The following HADHA variants were observed in gnomAD, a reference collection of about 807,000 sequenced individuals.
HADHA encodes the protein trifunctional enzyme subunit alpha, mitochondrial.
Under a neutral mutation model 91.3 loss-of-function variants are expected in HADHA, and 59 were observed. The ratio of observed to expected loss-of-function variants is 0.65; its 90% CI spans 0.52 to 0.80. The LOEUF (loss-of-function observed/expected upper bound fraction) is 0.80, where lower values mean the gene tolerates loss of function less well. Among genes scored for constraint, HADHA ranks in the 30% least tolerant of loss-of-function variants. The probability of loss-of-function intolerance (pLI) is 0.00; values close to 1 mark genes in which losing one functional copy is unlikely to be tolerated. For missense variants in HADHA, 800 were observed against 927.6 expected (o/e 0.86, Z 1.79); for synonymous variants, 320 against 338.9 (o/e 0.94, Z 0.61).
chr2:26,203,492 G>C (rs1257315178), intron 12 of HADHA, among the ~76,000 whole-genome samples: 1 of 152,282 alleles, frequency 6.6e-6, no homozygotes, highest in African/African-American at 2.4e-5. Context: ...TAATTCAGAG[G>C]TAAGATGGAG....
In HADHA at chr2:26,215,058, A is replaced by T; in HGVS notation, c.794T>A (p.Val265Glu). The T allele has an allele frequency of 6.2e-7, 1 of 1,610,518 alleles. No homozygotes were observed. The highest frequency in any genetic ancestry group is 8.5e-7 in the Non-Finnish European group (1 of 1,176,714). The change falls in exon 8 of 20, where the codon GTG becomes GAG. Residue 265 changes from valine to glutamate, a missense_variant. By Grantham distance (121) the Val-to-Glu change is moderately radical (BLOSUM62 -2). Coordinates refer to ENST00000380649, the MANE Select transcript of HADHA (RefSeq NM_000182.5). ...KISPKRDKGL[V>E]EKLTAYAMTI... ...TCTTTAACAATGATACTCACTTTCC[A>T]CCAATCCCTTGTCTCTCTTTGGAGA...
chr2:26,240,069 C>G (rs6761770), intron 1 of HADHA, among the ~76,000 whole-genome samples: 125,434 of 152,176 alleles, frequency 0.82, 53,673 homozygotes, highest in Middle Eastern at 0.96. Flanking sequence ...CATGACTCCA[C>G]TCTTTTCCAC....
chr2:26,242,023 T>TC (rs145317274), intron 1 of HADHA, among the ~76,000 whole-genome samples: 2,408 of 152,140 alleles, frequency 0.016, 68 homozygotes, highest in African/African-American at 0.055. Context: ...CACCTCAGCC[T>TC]CCCGAGTAGT....
chr2:26,236,718 T>C, intron 4 of HADHA, 137 bp downstream of exon 4: 1 of 697,908 alleles, frequency 1.4e-6, no homozygotes, highest in East Asian at 2.7e-5. Flanking sequence ...CCCAGCCTGA[T>C]ACGTACATTT....
chr2:26,214,770 GT>G lies in HADHA; in HGVS notation c.800-210del, dbSNP rs1171398345. Among the ~76,000 whole-genome samples, 1 of 152,008 alleles carries G rather than the reference GT, an allele frequency of 6.6e-6. No homozygotes were observed. On this transcript the variant is annotated intron_variant, in intron 8 of 19. Coordinates refer to ENST00000380649, the MANE Select transcript of HADHA (RefSeq NM_000182.5). This position sits in a 1 kb window ranked among gnomAD's most constrained non-coding sequence, Gnocchi z 4.1. The stretch of plus-strand genomic sequence containing the variant: ...AAAGCTGGGCCTTGGGTACATGAGT[GT>G]TTATAACACTGTTATCTAGTCTTTT...
At chr2:26,204,218 AC>A (rs1215759444) in intron 11 of HADHA, 22 bp from the exon 12 acceptor site, 41 of 1,612,276 alleles carry the variant, frequency 2.5e-5, no homozygotes, top group Non-Finnish European at 3.5e-5. Flanking sequence ...GGATGAAATG[AC>A]TTTCGGTAAA....
At chr2:26,204,347 T>C (rs1355885614) in intron 11 of HADHA, 151 bp from the exon 12 acceptor site, 2 of 782,828 alleles carry the variant, frequency 2.6e-6, no homozygotes, top group Non-Finnish European at 4.3e-6. Context: ...AACACAGCTT[T>C]AATAAATGAT....
chr2:26,205,731 G>A (rs1470851685), intron 11 of HADHA, among the ~76,000 whole-genome samples: 6 of 152,160 alleles, frequency 3.9e-5, no homozygotes, highest in African/African-American at 7.2e-5. Context: ...TTCAACCTGG[G>A]AGGCGGAGGT....
chr2:26,237,024 AT>A (rs1202070129), intron 3 of HADHA, 36 bp from the exon 4 acceptor site: 14 of 1,533,404 alleles, frequency 9.1e-6, no homozygotes, highest in Non-Finnish European at 1.3e-5. Context: ...AAGGGTTTAA[AT>A]TTGAAGCACT....
At chr2:26,226,080 C>A (rs1670478018) in intron 7 of HADHA, among the ~76,000 whole-genome samples, 1 of 152,050 alleles carries the variant, frequency 6.6e-6, no homozygotes, top group Admixed American at 6.6e-5. Flanking sequence ...AAAAGTAAAA[C>A]AGCCTACAAG....
chr2:26,241,137 T>C (rs1239599907), intron 1 of HADHA, among the ~76,000 whole-genome samples: 2 of 152,172 alleles, frequency 1.3e-5, no homozygotes, highest in East Asian at 3.8e-4. Context: ...TTTTTAATCA[T>C]CTTTGTAATG....
At chr2:26,198,027 G>C (rs1480560878) in intron 13 of HADHA, among the ~76,000 whole-genome samples, 1 of 152,092 alleles carries the variant, frequency 6.6e-6, no homozygotes, top group South Asian at 2.1e-4. Flanking sequence ...ACCTTATCCT[G>C]ACCTGGAGAC....
intron 7 of HADHA, among the ~76,000 whole-genome samples, chr2:26,219,185 G>A: frequency 6.6e-6 from 1 of 151,658 alleles, no homozygotes; most frequent in African/African-American, 2.4e-5. Context: ...CTGGAGTGCA[G>A]TGGTGTGATC....
In HADHA at chr2:26,209,869, C is replaced by A; in HGVS notation, c.996G>T (p.Met332Ile). The change falls in exon 11 of 20, where the codon ATG becomes ATT. Residue 332 changes from methionine (M) to isoleucine (I), a missense_variant. By Grantham distance (10) the Met-to-Ile change is conservative (BLOSUM62 1). Transcript: ENST00000380649. ...CCATCAAGGCCTTTGATTCTTTGGT[C>A]ATTACAAGCTCTCCAAATTTCTGAA... ...CESQKFGELV[M>I]TKESKALMGL... 1 of 1,588,384 alleles carries A rather than the reference C, an allele frequency of 6.3e-7. No homozygotes were observed. Among genetic ancestry groups the A allele is most frequent in the South Asian group, 1.1e-5 (1 of 90,524 alleles).
chr2:26,191,717 T>C, intron 18 of HADHA, 89 bp from the exon 19 acceptor site: 1 of 1,349,728 alleles, frequency 7.4e-7, no homozygotes, highest in Admixed American at 1.7e-5. Context: ...TCGGGATGGG[T>C]GCATGGGGAG....
At chr2:26,199,125 T>A (rs915569813) in intron 13 of HADHA, 5 of 152,118 alleles carry the variant, frequency 3.3e-5, no homozygotes, top group African/African-American at 1.2e-4. Flanking sequence ...CTTGAACTCC[T>A]GACCTCGTGA....
At chr2:26,194,428 A>C (rs891560586) in intron 16 of HADHA, 142 bp downstream of exon 16, 15 of 716,800 alleles carry the variant, frequency 2.1e-5, no homozygotes, top group Non-Finnish European at 3.9e-5. Context: ...TGCTGTGCAG[A>C]GAGAGGGCAC....
chr2:26,243,352 C>A (rs186670302), intron 1 of HADHA: 14 of 152,222 alleles, frequency 9.2e-5, no homozygotes, highest in Non-Finnish European at 4.4e-5. Context: ...GGAAACATAA[C>A]CGAAGGCTAA....
chr2:26,193,293 C>CTT lies in HADHA; in HGVS notation c.1885+282_1885+283dup, dbSNP rs370942158. 0.61 allele frequency among the ~76,000 whole-genome samples: 69,754 copies of CTT among 115,020 alleles called. 23,066 individuals are homozygous for CTT. Among genetic ancestry groups the CTT allele is most frequent in the Non-Finnish European group, 0.68 (40,189 of 59,162 alleles). The allele number at this position is 115,020 out of a possible 152,430, so 75.5% of individuals were successfully genotyped here. On this transcript the variant is annotated intron_variant, in intron 17 of 19. Coordinates refer to ENST00000380649, the MANE Select transcript of HADHA (RefSeq NM_000182.5). ...AGCCCTTAGAAGGTTCACATGACAT[C>CTT]TTTTTTTTTTTTTTTTTTTGAGAAG...
Sources: gnomAD v4.1 joint callset for allele counts (sites outside exome capture counted in the v4.1 genomes callset) on GRCh38, gnomAD v4.1.1 for gene constraint, Gnocchi (gnomAD v3.1) non-coding constraint, MANE v1.5 for transcripts, NCBI Gene and HGNC (gene_info 2026-07-23, HGNC 2026-07-21) for gene names.